Variants in RAB11FIP4 observed in about 807,000 individuals in gnomAD.
RAB11FIP4 encodes rab11 family-interacting protein 4.
Under a neutral mutation model 74.3 loss-of-function variants are expected in RAB11FIP4, and 23 were observed. The observed-to-expected ratio is 0.31, with a 90% CI of 0.22 to 0.44. RAB11FIP4 has a LOEUF of 0.44. Ranked by LOEUF, RAB11FIP4 falls within the 20% of genes least tolerant of loss-of-function variation. RAB11FIP4 has a pLI of 1.00. For missense variants in RAB11FIP4, 630 were observed against 863.9 expected (o/e 0.73, Z 3.39); for synonymous variants, 360 against 359.9 (o/e 1.00, Z 0.00).
intron 3 of RAB11FIP4, among the ~76,000 whole-genome samples, chr17:31,482,210 G>A (rs1292463768): frequency 6.6e-6 from 1 of 152,178 alleles, no homozygotes; most frequent in Non-Finnish European, 1.5e-5. Context: ...GGTCAGAGAA[G>A]ATGCCAGCTT....
chr17:31,432,088 G>T (rs2071315703), intron 2 of RAB11FIP4, among the ~76,000 whole-genome samples, 188 bp downstream of exon 2: 2 of 152,100 alleles, frequency 1.3e-5, no homozygotes, highest in Non-Finnish European at 2.9e-5. Context: ...CCCCAGCCGT[G>T]GGGGGCTGTG....
At chr17:31,521,874 G>T in intron 5 of RAB11FIP4, 41 bp from the exon 6 acceptor site, 3 of 1,612,772 alleles carry the variant, frequency 1.9e-6, no homozygotes, top group Non-Finnish European at 2.5e-6. Flanking sequence ...CACCAGACTG[G>T]ACAGCAGTTA....
chr17:31,498,423 T>TGG (rs1884280892), intron 3 of RAB11FIP4, among the ~76,000 whole-genome samples: 1 of 152,106 alleles, frequency 6.6e-6, no homozygotes, highest in South Asian at 2.1e-4. Context: ...TATGTGCTGA[T>TGG]GGGAGGTACC....
rs1000351119 is a variant in RAB11FIP4 at position 31,391,801 on chromosome 17, GGCGGCGGGC to G, written c.-41_-33del. On this transcript the variant is annotated 5_prime_UTR_variant, in exon 1 of 15. Transcript: ENST00000621161. The stretch of plus-strand genomic sequence containing the variant: ...CGCGCGGCGATGGCGGCGGCGGGCA[GGCGGCGGGC>G]GCGGCGGGCGAGGGGTCCGGGCTGA... The G allele has an allele frequency of 9.2e-6, 9 of 978,700 alleles. No individual in the cohort carries two copies. In the South Asian group the frequency reaches 1.4e-4, roughly 15 times the overall value. The allele number at this position is 978,700 out of a possible 1,614,324, so 60.6% of individuals were successfully genotyped here.
intron 3 of RAB11FIP4, among the ~76,000 whole-genome samples, chr17:31,449,659 A>T (rs1232565549): frequency 6.6e-6 from 1 of 152,138 alleles, no homozygotes; most frequent in Non-Finnish European, 1.5e-5. Flanking sequence ...CTCCCACCTC[A>T]GTCTCCCAGG....
At chr17:31,444,512 G>A (rs1207296622) in intron 3 of RAB11FIP4, among the ~76,000 whole-genome samples, 3 of 152,128 alleles carry the variant, frequency 2.0e-5, no homozygotes, top group Non-Finnish European at 2.9e-5. Context: ...TTTGTTCGTT[G>A]CCTCAGCCTG....
At chr17:31,397,411 A>C (rs550205996) in intron 1 of RAB11FIP4, among the ~76,000 whole-genome samples, 2 of 152,318 alleles carry the variant, frequency 1.3e-5, no homozygotes, top group East Asian at 3.9e-4. Flanking sequence ...GAAGGCCGGC[A>C]AAGTCCCAAC....
intron 4 of RAB11FIP4, among the ~76,000 whole-genome samples, chr17:31,519,994 G>T (rs1463387470): frequency 6.6e-6 from 1 of 150,408 alleles, no homozygotes; most frequent in Non-Finnish European, 1.5e-5. Flanking sequence ...GAGGCTACTC[G>T]CAGCTACTCA....
chr17:31,510,231 A>G (rs2072426713), intron 3 of RAB11FIP4, among the ~76,000 whole-genome samples: 1 of 152,200 alleles, frequency 6.6e-6, no homozygotes, highest in African/African-American at 2.4e-5. Context: ...GGACCCCGTG[A>G]GACCTTGACC....
intron 1 of RAB11FIP4, among the ~76,000 whole-genome samples, chr17:31,403,886 C>G (rs544894296): frequency 2.6e-5 from 4 of 152,050 alleles, no homozygotes; most frequent in Admixed American, 1.3e-4. Context: ...TGGCTGGGGA[C>G]TTTGAGCCTG....
chr17:31,416,846 G>T (rs2071152824), intron 1 of RAB11FIP4, among the ~76,000 whole-genome samples: 1 of 152,170 alleles, frequency 6.6e-6, no homozygotes, highest in Non-Finnish European at 1.5e-5. Flanking sequence ...GCACTTGAGT[G>T]CTTCGAAGGC....
chr17:31,422,467 A>G (rs919791344), intron 1 of RAB11FIP4, among the ~76,000 whole-genome samples: 1 of 152,070 alleles, frequency 6.6e-6, no homozygotes. Context: ...ATGATTGTCA[A>G]TTTGTCTATT....
intron 3 of RAB11FIP4, among the ~76,000 whole-genome samples, chr17:31,435,392 T>C (rs1433667784): frequency 1.3e-5 from 2 of 152,162 alleles, no homozygotes; most frequent in African/African-American, 4.8e-5. Context: ...CATTGCCTAA[T>C]GGTGTGTTTC....
intron 3 of RAB11FIP4, among the ~76,000 whole-genome samples, chr17:31,441,228 G>C (rs945049856): frequency 6.6e-6 from 1 of 152,072 alleles, no homozygotes; most frequent in Admixed American, 6.6e-5. Context: ...GTTCTACTAC[G>C]TTGGCCAGGC....
chr17:31,394,667 C>T (rs1194099940), intron 1 of RAB11FIP4, among the ~76,000 whole-genome samples: 1 of 152,120 alleles, frequency 6.6e-6, no homozygotes, highest in Non-Finnish European at 1.5e-5. Context: ...GAAAGAGAAT[C>T]TAGCATCCTA....
Position 31,469,904 on chromosome 17 carries a change from G to A in RAB11FIP4, c.336+35782G>A, listed in dbSNP as rs114643414. Reference sequence around the variant, plus strand: ...CTCAACAACTCTGAGATGAGTAAGCGGAGACCCAGGCAAGAGTGGCTTTAC... The same window carrying A: ...CTCAACAACTCTGAGATGAGTAAGCAGAGACCCAGGCAAGAGTGGCTTTAC... On this transcript the variant is annotated intron_variant, in intron 3 of 14. Coordinates refer to ENST00000621161, the MANE Select transcript of RAB11FIP4 (RefSeq NM_032932.6). Among the ~76,000 whole-genome samples the A allele has an allele frequency of 1.5e-3, 236 of 152,304 alleles. 1 individual carries two copies. The highest frequency in any genetic ancestry group is 5.1e-3 in the African/African-American group (213 of 41,552).
intron 1 of RAB11FIP4, among the ~76,000 whole-genome samples, chr17:31,429,654 G>A (rs1205181767): frequency 6.6e-6 from 1 of 152,016 alleles, no homozygotes; most frequent in African/African-American, 2.4e-5. Flanking sequence ...TAGTGAAACA[G>A]CCTCTCTACT....
chr17:31,409,723 G>C (rs1217373427), intron 1 of RAB11FIP4, among the ~76,000 whole-genome samples: 1 of 152,178 alleles, frequency 6.6e-6, no homozygotes, highest in Non-Finnish European at 1.5e-5. Context: ...TCCAACACAG[G>C]GTGTTGTACT....
chr17:31,458,772 A>G (rs1261215775), intron 3 of RAB11FIP4, among the ~76,000 whole-genome samples: 1 of 152,190 alleles, frequency 6.6e-6, no homozygotes, highest in Non-Finnish European at 1.5e-5. Context: ...TGAAGAATGG[A>G]CTGGCCTTGT....
Sources: allele counts gnomAD v4.1 joint callset (sites outside exome capture counted in the v4.1 genomes callset), GRCh38; gene constraint gnomAD v4.1.1; transcripts MANE v1.5; gene names NCBI Gene and HGNC (gene_info 2026-07-23, HGNC 2026-07-21).